The following HUNK variants were observed in gnomAD, a reference collection of about 807,000 sequenced individuals.
HUNK encodes hormonally up-regulated Neu-associated kinase.
HUNK carries 21 observed loss-of-function variants against 61.0 expected under a neutral mutation model. The ratio of observed to expected loss-of-function variants is 0.34; its 90% CI spans 0.24 to 0.50. HUNK has a LOEUF of 0.50. Ranked by LOEUF, HUNK falls within the 20% of genes least tolerant of loss-of-function variation. The pLI is 0.98. For synonymous variants in HUNK, 371 were observed against 386.1 expected (o/e 0.96, Z 0.46); for missense variants, 772 against 945.7 (o/e 0.82, Z 2.41).
At chr21:31,991,913 CG>C (rs2053174352) in intron 9 of HUNK, among the ~76,000 whole-genome samples, 1 of 152,184 alleles carries the variant, frequency 6.6e-6, no homozygotes, top group African/African-American at 2.4e-5. Context: ...GCTGTTCAGG[CG>C]ATAAAGCAAG....
Position 31,924,889 on chromosome 21 carries a change from A to C in HUNK, c.554+129A>C. 1 of 713,146 alleles carries C rather than the reference A, an allele frequency of 1.4e-6. No homozygotes were observed. 44.2% of individuals were successfully genotyped at this position (713,146 alleles called of 1,614,324 possible). ...TGTTTTACAATTTGTCTATATTTTA[A>C]TTTTATTTATTTGTTTATTTTTTTG... On this transcript the variant is annotated intron_variant, in intron 2 of 10. Transcript: ENST00000270112. The surrounding 1 kb of genome is among the most constrained non-coding windows in gnomAD (Gnocchi z 5.1).
chr21:32,000,810 C>T lies in HUNK; in HGVS notation c.*1626C>T, dbSNP rs8127132. On this transcript the variant is annotated 3_prime_UTR_variant, in exon 11 of 11. Transcript: ENST00000270112. ...TCAGTCCCTCACATCTCTGACAGAG[C>T]GGGACAGAATGGATATTTGGCTGAC... is the stretch of plus-strand genomic sequence containing the variant. The T allele has an allele frequency of 0.63, 249,503 of 398,014 alleles. 78,453 individuals carry two copies. The highest frequency in any genetic ancestry group is 0.72 in the South Asian group (5,554 of 7,666). 24.7% of individuals were successfully genotyped at this position (398,014 alleles called of 1,614,324 possible). A position where few individuals can be genotyped will look rare whatever the true frequency, so the allele number is the denominator to read the frequency against.
At chr21:31,874,173 G>A (rs1305565430) in intron 1 of HUNK, among the ~76,000 whole-genome samples, 2 of 151,892 alleles carry the variant, frequency 1.3e-5, no homozygotes, top group Non-Finnish European at 2.9e-5. Flanking sequence ...GCCTTGCCCC[G>A]GGAAGCGTCC....
chr21:31,977,165 A>T (rs1390575336), intron 7 of HUNK, among the ~76,000 whole-genome samples: 1 of 152,234 alleles, frequency 6.6e-6, no homozygotes, highest in African/African-American at 2.4e-5. Flanking sequence ...TACATGATAT[A>T]TTCGTACAAT....
At chr21:31,951,926 A>G (rs1414432699) in intron 4 of HUNK, among the ~76,000 whole-genome samples, 2 of 152,236 alleles carry the variant, frequency 1.3e-5, no homozygotes, top group African/African-American at 4.8e-5. Flanking sequence ...GGCAGTGGGA[A>G]GAGTAAAGCT....
chr21:31,995,255 C>T (rs1403398622), intron 9 of HUNK, among the ~76,000 whole-genome samples: 2 of 151,684 alleles, frequency 1.3e-5, no homozygotes, highest in Non-Finnish European at 2.9e-5. Flanking sequence ...GTAGAAAGGG[C>T]TGGAAGCCCA....
intron 1 of HUNK, among the ~76,000 whole-genome samples, chr21:31,903,025 A>G (rs1034659421): frequency 7.9e-5 from 12 of 151,906 alleles, no homozygotes; most frequent in Non-Finnish European, 1.8e-4. Flanking sequence ...TGCGGGAGAG[A>G]GGTGGAATTT....
At chr21:31,968,957 C>T (rs964768654) in intron 6 of HUNK, among the ~76,000 whole-genome samples, 3 of 151,892 alleles carry the variant, frequency 2.0e-5, no homozygotes, top group African/African-American at 7.3e-5. Flanking sequence ...CAGATCACTG[C>T]AACCTCTGCC....
chr21:31,915,637 A>G (rs1259902913), intron 1 of HUNK, among the ~76,000 whole-genome samples: 1 of 152,216 alleles, frequency 6.6e-6, no homozygotes. Flanking sequence ...GGATACATCA[A>G]TACTTGATGT....
In HUNK at chr21:31,990,191, G is replaced by T. The variant is rs764020510; in HGVS notation, c.1305+15G>T. The T allele has an allele frequency of 3.1e-6, 5 of 1,611,056 alleles. No homozygotes were observed. In the South Asian group the frequency reaches 4.4e-5, roughly 14 times the overall value. On this transcript the variant is annotated intron_variant, in intron 9 of 10. Coordinates refer to ENST00000270112, the MANE Select transcript of HUNK (RefSeq NM_014586.2). Reference sequence around the variant, plus strand: ...ATGCCGTGCAGGTAAGAACTTGGGGGATTATTATGTTAGTCAGGGTTCTCC... The same window carrying T: ...ATGCCGTGCAGGTAAGAACTTGGGGTATTATTATGTTAGTCAGGGTTCTCC...
intron 5 of HUNK, among the ~76,000 whole-genome samples, chr21:31,965,205 C>G (rs924699572): frequency 6.6e-6 from 1 of 151,952 alleles, no homozygotes; most frequent in African/African-American, 2.4e-5. Context: ...GAACAGAAAA[C>G]CAAATACCGC....
intron 1 of HUNK, among the ~76,000 whole-genome samples, chr21:31,909,876 C>T (rs1043467915): frequency 6.6e-6 from 1 of 152,226 alleles, no homozygotes; most frequent in African/African-American, 2.4e-5. Context: ...ATTTTCAAAA[C>T]TCCCCACTGG....
chr21:31,892,200 GAGAGA>G (rs1160879954), intron 1 of HUNK, among the ~76,000 whole-genome samples: 1 of 147,832 alleles, frequency 6.8e-6, no homozygotes, highest in Non-Finnish European at 1.5e-5. Flanking sequence ...GAGAGAGAGA[GAGAGA>G]GAGAGTGTGT....
In HUNK at chr21:31,924,730, A is replaced by G; in HGVS notation, c.524A>G (p.Glu175Gly). ...RYIRQLISAVEHLHRAGVVHR... is the reference protein window; with the variant it reads ...RYIRQLISAVGHLHRAGVVHR... ...ATCCGACAGCTCATCTCTGCCGTAGAGCACCTGCACCGGGCCGGGGTGGTC... is the reference window on the plus strand; with the variant it reads ...ATCCGACAGCTCATCTCTGCCGTAGGGCACCTGCACCGGGCCGGGGTGGTC... The change falls in exon 2 of 11, where the codon GAG becomes GGG. Residue 175 changes from glutamate (E) to glycine (G), a missense_variant. Transcript: ENST00000270112. The surrounding 1 kb of genome is among the most constrained non-coding windows in gnomAD (Gnocchi z 5.1). 1 of 1,612,868 alleles carries G rather than the reference A, an allele frequency of 6.2e-7. No homozygotes were observed. The highest frequency in any genetic ancestry group is 8.5e-7 in the Non-Finnish European group (1 of 1,179,684).
At chr21:31,910,673 G>T (rs2052539879) in intron 1 of HUNK, among the ~76,000 whole-genome samples, 1 of 152,056 alleles carries the variant, frequency 6.6e-6, no homozygotes. Context: ...ATTTTTAATA[G>T]AAACGGGGTT....
At chr21:31,997,541 C>G (rs1006482359) in intron 10 of HUNK, among the ~76,000 whole-genome samples, 5 of 152,138 alleles carry the variant, frequency 3.3e-5, no homozygotes, top group Admixed American at 2.0e-4. Flanking sequence ...TGGTTAGATT[C>G]ATAGAGACAG....
chr21:31,883,184 A>G (rs932787156), intron 1 of HUNK, among the ~76,000 whole-genome samples: 4 of 152,070 alleles, frequency 2.6e-5, no homozygotes, highest in Admixed American at 2.0e-4. Flanking sequence ...ATTGCCTGCC[A>G]TAGAGGTTGG....
At position 31,999,309 on chromosome 21, in the gene HUNK, TC is replaced by T; in HGVS notation, c.*127del. ...ATCCTTAGTCCCACCTGTAGCTGAA[TC>T]CACAGACCCAAAGCCTGCACAACCC... On this transcript the variant is annotated 3_prime_UTR_variant, in exon 11 of 11. Transcript: ENST00000270112. 1 of 868,462 alleles carries T rather than the reference TC, an allele frequency of 1.2e-6. No homozygotes were observed. Among genetic ancestry groups the T allele is most frequent in the Non-Finnish European group, 1.8e-6 (1 of 564,242 alleles). 53.8% of individuals were successfully genotyped at this position (868,462 alleles called of 1,614,324 possible).
At chr21:31,887,722 C>T (rs1275345091) in intron 1 of HUNK, among the ~76,000 whole-genome samples, 2 of 152,156 alleles carry the variant, frequency 1.3e-5, no homozygotes, top group Admixed American at 6.5e-5. Context: ...GAACACAGAG[C>T]GTGGTGCTAA....
Sources: gnomAD v4.1 joint callset for allele counts (sites outside exome capture counted in the v4.1 genomes callset) on GRCh38, gnomAD v4.1.1 for gene constraint, Gnocchi (gnomAD v3.1) non-coding constraint, MANE v1.5 for transcripts, NCBI Gene and HGNC (gene_info 2026-07-23, HGNC 2026-07-21) for gene names.